The following PTCHD1 variants were observed in gnomAD, a reference collection of about 807,000 sequenced individuals.
The protein encoded by PTCHD1 is patched domain-containing protein 1.
Under a neutral mutation model 34.6 loss-of-function variants are expected in PTCHD1, and 3 were observed. The observed-to-expected ratio is 0.09, with a 90% CI of 0.04 to 0.22. The LOEUF (loss-of-function observed/expected upper bound fraction) is 0.22, where lower values mean the gene tolerates loss of function less well. PTCHD1 is among the 10% of genes least tolerant of loss of function. PTCHD1 has a pLI of 1.00. For synonymous variants in PTCHD1, 305 were observed against 283.1 expected (o/e 1.08, Z -0.77); for missense variants, 504 against 685.5 (o/e 0.74, Z 2.96).
chrX:23,349,354 A>C (rs1447328712), intron 1 of PTCHD1, among the ~76,000 whole-genome samples: 1 of 112,130 alleles, frequency 8.9e-6, no homozygotes, highest in East Asian at 2.8e-4. Context: ...ACAAAGTAAA[A>C]GATGATGACT....
chrX:23,369,813 G>A (rs1268302234), intron 1 of PTCHD1, among the ~76,000 whole-genome samples: 1 of 111,662 alleles, frequency 9.0e-6, no homozygotes, highest in Non-Finnish European at 1.9e-5. Context: ...TGGGATTAAG[G>A]AGGGCCAACT....
chrX:23,382,676 A>G (rs1192821899), intron 2 of PTCHD1, among the ~76,000 whole-genome samples: 4 of 113,122 alleles, frequency 3.5e-5, no homozygotes, highest in Non-Finnish European at 7.5e-5. Flanking sequence ...CAGGTGCCCA[A>G]TAAGCCCTTG....
At chrX:23,335,303 C>T (rs1442121914) in intron 1 of PTCHD1, 77 bp downstream of exon 1, 2 of 834,254 alleles carry the variant, frequency 2.4e-6, no homozygotes, top group African/African-American at 2.0e-5. Flanking sequence ...GGGGTCCCGG[C>T]TGAGAGCGCC....
Position 23,398,500 on chromosome X carries a change from A to C in PTCHD1, c.*4315A>C, listed in dbSNP as rs1923046225. On this transcript the variant is annotated 3_prime_UTR_variant, in exon 3 of 3. Transcript: ENST00000379361. The stretch of plus-strand genomic sequence containing the variant: ...GGGAAGGGACACCACTGATTACTGA[A>C]TAACTGTGGCTGGCTTGTCTGAGGG... 1 of 111,578 alleles carries C rather than the reference A, an allele frequency of 9.0e-6. No homozygotes were observed. The highest frequency in any genetic ancestry group is 1.9e-5 in the Non-Finnish European group (1 of 53,106). 9.2% of individuals were successfully genotyped at this position (111,578 alleles called of 1,213,427 possible).
intron 1 of PTCHD1, among the ~76,000 whole-genome samples, chrX:23,360,271 T>G (rs1313961081): frequency 8.9e-6 from 1 of 111,735 alleles, no homozygotes; most frequent in Non-Finnish European, 1.9e-5. Flanking sequence ...TGAACCCCTC[T>G]GTTCCTGGAC....
In PTCHD1 at chrX:23,397,651, T is replaced by C. The variant is rs902974513; in HGVS notation, c.*3466T>C. ...ATGCCATCCTCCATGGCCACGCTTA[T>C]GTATGCAATATACCGCTCCAAATGA... On this transcript the variant is annotated 3_prime_UTR_variant, in exon 3 of 3. Transcript: ENST00000379361. The C allele has an allele frequency of 1.8e-5, 2 of 111,850 alleles. No homozygotes were observed. Among genetic ancestry groups the C allele is most frequent in the African/African-American group, 6.5e-5 (2 of 30,672 alleles). 9.2% of individuals were successfully genotyped at this position (111,850 alleles called of 1,213,427 possible).
chrX:23,361,733 TC>T (rs1473824843), intron 1 of PTCHD1, among the ~76,000 whole-genome samples: 1 of 112,438 alleles, frequency 8.9e-6, no homozygotes, highest in Non-Finnish European at 1.9e-5. Flanking sequence ...TGATGCATTT[TC>T]TTCCTAGCAT....
intron 1 of PTCHD1, among the ~76,000 whole-genome samples, chrX:23,370,623 TTTC>T (rs1426406569): frequency 3.6e-5 from 4 of 112,046 alleles, no homozygotes; most frequent in African/African-American, 1.3e-4. Context: ...TAGGTGGAAC[TTTC>T]TTCTTATTTT....
Position 23,355,197 on chromosome X carries a change from G to A in PTCHD1, c.351+19971G>A, listed in dbSNP as rs547480862. On this transcript the variant is annotated intron_variant, in intron 1 of 2. Transcript: ENST00000379361. ...TCCACGGAAGGTGTCCTGTGAGTGC[G>A]CACCCTACCCTCAGATTCACACGTT... 2.2e-4 allele frequency among the ~76,000 whole-genome samples: 24 copies of A among 110,527 alleles called. No individual in the cohort carries two copies. In the South Asian group the frequency reaches 5.4e-3, roughly 25 times the overall value.
In PTCHD1 at chrX:23,380,183, C is replaced by G. The variant is rs1569140159; in HGVS notation, c.944C>G (p.Ala315Gly). Reference protein sequence around the residue: ...VTISLATLTAAGIINLTGGKY... With the variant: ...VTISLATLTAGGIINLTGGKY... ...ATAAGCCTGGCCACTCTCACTGCAGCCGGGATCATCAATCTTACTGGTGGG... is the reference window on the plus strand; with the variant it reads ...ATAAGCCTGGCCACTCTCACTGCAGGCGGGATCATCAATCTTACTGGTGGG... The change falls in exon 2 of 3, where the codon GCC becomes GGC. Residue 315 changes from alanine (A) to glycine (G), a missense_variant. By Grantham distance (60) the Ala-to-Gly change is moderately conservative. Transcript: ENST00000379361. 3 of 1,211,103 alleles carry G rather than the reference C, an allele frequency of 2.5e-6. No individual in the cohort carries two copies. The highest frequency in any genetic ancestry group is 2.2e-6 in the Non-Finnish European group (2 of 895,164).
In PTCHD1 at chrX:23,363,113, C is replaced by T. The variant is rs1221628693; in HGVS notation, c.352-16478C>T. Among the ~76,000 whole-genome samples the T allele has an allele frequency of 2.7e-5, 3 of 112,466 alleles. No homozygotes were observed. In the East Asian group the frequency reaches 8.4e-4, roughly 31 times the overall value. ...TTAGGCTACACGGGTGTCAGGGACCCACTTGAGGAGGCAGTCTGTCCATTC... is the reference window on the plus strand; with the variant it reads ...TTAGGCTACACGGGTGTCAGGGACCTACTTGAGGAGGCAGTCTGTCCATTC... On this transcript the variant is annotated intron_variant, in intron 1 of 2. Transcript: ENST00000379361.
Position 23,335,230 on chromosome X carries a change from A to G in PTCHD1, c.351+4A>G. The G allele has an allele frequency of 8.4e-7, 1 of 1,193,763 alleles. No homozygotes were observed. Among genetic ancestry groups the G allele is most frequent in the Non-Finnish European group, 1.1e-6 (1 of 879,128 alleles). ...TCACACCGACCTGATCTTAAAGGTGAGAGGGGACGGGTGCGGGCAGACTCC... is the reference window on the plus strand; with the variant it reads ...TCACACCGACCTGATCTTAAAGGTGGGAGGGGACGGGTGCGGGCAGACTCC... On this transcript the variant is annotated splice_donor_region_variant and intron_variant, in intron 1 of 2. Transcript: ENST00000379361.
At chrX:23,352,646 A>G (rs746252338) in intron 1 of PTCHD1, among the ~76,000 whole-genome samples, 1 of 111,517 alleles carries the variant, frequency 9.0e-6, no homozygotes, top group Non-Finnish European at 1.9e-5. Context: ...TTTAAATTTC[A>G]TCACATATCT....
rs370265016 is a variant in PTCHD1, at chrX:23,379,695, C to T, written c.456C>T (p.Asp152=). ...ATGATAAGACTTGCATCGTGGATGA[C>T]ATAGTGCACGTCCTGGAAGAGCTAA... is the stretch of plus-strand genomic sequence containing the variant. ...LNNDKTCIVD[D]IVHVLEELKN... is the part of the protein sequence containing the mutation. Residue 152 remains aspartate, a synonymous_variant, in exon 2 of 3, where the codon GAC becomes GAT. Coordinates refer to ENST00000379361, the MANE Select transcript of PTCHD1 (RefSeq NM_173495.3). 2.5e-6 allele frequency: 3 copies of T among 1,209,138 alleles called. No homozygotes were observed. The highest frequency in any genetic ancestry group is 1.8e-5 in the South Asian group (1 of 56,734).
intron 1 of PTCHD1, among the ~76,000 whole-genome samples, chrX:23,352,679 CA>C (rs1921671435): frequency 1.8e-5 from 2 of 111,461 alleles, no homozygotes; most frequent in Admixed American, 1.9e-4. Flanking sequence ...ACCCTGGCTA[CA>C]TATTAGAATC....
At chrX:23,368,663 C>T (rs1922205122) in intron 1 of PTCHD1, among the ~76,000 whole-genome samples, 1 of 112,107 alleles carries the variant, frequency 8.9e-6, no homozygotes, top group Admixed American at 9.4e-5. Context: ...CTGATATTTT[C>T]AGTAAATCCA....
chrX:23,383,249 T>G (rs2146644541), intron 2 of PTCHD1, among the ~76,000 whole-genome samples: 1 of 112,269 alleles, frequency 8.9e-6, no homozygotes, highest in South Asian at 3.7e-4. Context: ...GTATATAGCC[T>G]CATTTAAAAG....
At chrX:23,381,161 A>G (rs1188044360) in intron 2 of PTCHD1, among the ~76,000 whole-genome samples, 1 of 112,563 alleles carries the variant, frequency 8.9e-6, no homozygotes, top group African/African-American at 3.2e-5. Context: ...ACTCAGGAGA[A>G]TATTTTAAAG....
At position 23,392,070 on chromosome X, in the gene PTCHD1, C is replaced by CTTTTTTTT. The variant is rs1464413678; in HGVS notation, c.1013-458_1013-457insTTTTTTTT. Among the ~76,000 whole-genome samples the CTTTTTTTT allele has an allele frequency of 1.4e-3, 56 of 39,448 alleles. 1 individual carries two copies. Among genetic ancestry groups the CTTTTTTTT allele is most frequent in the African/African-American group, 9.9e-3 (43 of 4,357 alleles). The allele number at this position is 39,448 out of a possible 115,157, so 34.3% of individuals were successfully genotyped here. On this transcript the variant is annotated intron_variant, in intron 2 of 2. Transcript: ENST00000379361. ...TTTTTTCTTTCTTTTTTCTTTCTTT[C>CTTTTTTTT]TTTCTTTTTTTTTTTTTTTTTGAGA...
Sources: allele counts gnomAD v4.1 joint callset (sites outside exome capture counted in the v4.1 genomes callset), GRCh38; gene constraint gnomAD v4.1.1; transcripts MANE v1.5; gene names NCBI Gene and HGNC (gene_info 2026-07-23, HGNC 2026-07-21).